Variants in CRAMP1 observed in about 807,000 individuals in gnomAD.
CRAMP1 encodes the protein cramped chromatin regulator 1.
A neutral mutation model predicts 115.4 loss-of-function variants in CRAMP1; 50 were observed. That is an observed-to-expected ratio of 0.43 (90% CI 0.35 to 0.55). The LOEUF is 0.55. Among genes scored for constraint, CRAMP1 ranks in the 20% least tolerant of loss-of-function variants. The probability of loss-of-function intolerance (pLI) is 0.01; values close to 1 mark genes in which losing one functional copy is unlikely to be tolerated. For missense variants in CRAMP1, 1,679 were observed against 1,721.7 expected, an observed-to-expected ratio of 0.98 and a Z score of 0.44; for synonymous variants, 866 against 745.4, an observed-to-expected ratio of 1.16 and a Z score of -2.64.
chr16:1,665,663 C>T (rs1402020536), intron 14 of CRAMP1: 2 of 225,804 alleles, frequency 8.9e-6, no homozygotes, highest in African/African-American at 4.6e-5. Flanking sequence ...ATTGCTTTTT[C>T]TCTTGCCTAC....
intron 5 of CRAMP1, among the ~76,000 whole-genome samples, chr16:1,640,389 C>T (rs2036622200): frequency 6.6e-6 from 1 of 152,150 alleles, no homozygotes; most frequent in Admixed American, 6.5e-5. Flanking sequence ...CTCATTCCTC[C>T]GTGCGAGGTG....
intron 18 of CRAMP1, among the ~76,000 whole-genome samples, chr16:1,668,519 C>T (rs2036895290): frequency 6.6e-6 from 1 of 152,218 alleles, no homozygotes; most frequent in Admixed American, 6.5e-5. Context: ...GGGTCTTGCA[C>T]AGCTTGTGAA....
intron 2 of CRAMP1, among the ~76,000 whole-genome samples, chr16:1,616,351 C>T (rs2036419573): frequency 6.6e-6 from 1 of 152,206 alleles, no homozygotes; most frequent in Admixed American, 6.5e-5. Flanking sequence ...TGTCCCTGGC[C>T]TCCAACCTTG....
At chr16:1,663,285 C>T (rs538803795) in intron 13 of CRAMP1, among the ~76,000 whole-genome samples, 1 of 152,216 alleles carries the variant, frequency 6.6e-6, no homozygotes, top group South Asian at 2.1e-4. Context: ...GCTTGGCATT[C>T]TGACGCATAA....
chr16:1,664,756 C>G (rs144724348), intron 13 of CRAMP1, among the ~76,000 whole-genome samples: 3,360 of 149,870 alleles, frequency 0.022, 149 homozygotes, highest in African/African-American at 0.078. Context: ...TCTAGCCTGG[C>G]TGACAGAGCA....
chr16:1,647,191 T>C, intron 6 of CRAMP1: 1 of 613,484 alleles, frequency 1.6e-6, no homozygotes, highest in Non-Finnish European at 2.9e-6. Context: ...GTGAATCTTC[T>C]TTGGTTTTAG....
intron 10 of CRAMP1, among the ~76,000 whole-genome samples, chr16:1,659,179 G>A (rs2036802280): frequency 6.6e-6 from 1 of 152,182 alleles, no homozygotes; most frequent in South Asian, 2.1e-4. Context: ...AGAGGCTGCT[G>A]CAGTCTCATG....
chr16:1,656,795 C>G lies in CRAMP1; in HGVS notation c.2038C>G (p.Leu680Val), dbSNP rs1019589676. The change falls in exon 10 of 21, where the codon CTG (leucine) becomes GTG (valine). Residue 680 changes from leucine to valine, a missense_variant. Leu to Val is a conservative substitution (Grantham distance 32). Coordinates refer to ENST00000397412, the MANE Select transcript of CRAMP1 (RefSeq NM_020825.4). This position sits in a 1 kb window ranked among gnomAD's most constrained non-coding sequence, Gnocchi z 5.6. ...AQQLREEGWN[L>V]QTSESLTLAE... ...GCAGCTCCGTGAGGAGGGCTGGAAC[C>G]TGCAGACCTCCGAAAGCCTCACGCT... is the stretch of plus-strand genomic sequence containing the variant. The G allele has an allele frequency of 9.0e-6, 14 of 1,548,232 alleles. No individual in the cohort carries two copies. Among genetic ancestry groups the G allele is most frequent in the Non-Finnish European group, 1.0e-5 (12 of 1,145,330 alleles).
At position 1,656,729 on chromosome 16, in the gene CRAMP1, G is replaced by C; in HGVS notation, c.1972G>C (p.Ala658Pro). The change falls in exon 10 of 21, where the codon GCC becomes CCC. Residue 658 changes from alanine to proline, a missense_variant. Physicochemically the swap from Ala to Pro is conservative, Grantham distance 27. Around this residue, in one of 8 missense-constraint regions of CRAMP1, gnomAD observed 405 missense variants for 302.6 expected, o/e 1.34. Coordinates refer to ENST00000397412, the MANE Select transcript of CRAMP1 (RefSeq NM_020825.4). This position sits in a 1 kb window ranked among gnomAD's most constrained non-coding sequence, Gnocchi z 5.6. ...TCCGCCGTCTCAGGGACAGCCTGCC[G>C]CCAGGCCCCCGAAGGAGGTCCCCGC... ...GPPPSQGQPAARPPKEVPASR... is the reference protein window; with the variant it reads ...GPPPSQGQPAPRPPKEVPASR... The C allele has an allele frequency of 1.3e-6, 2 of 1,551,680 alleles. No homozygotes were observed. The highest frequency in any genetic ancestry group is 2.7e-5 in the African/African-American group (2 of 73,244).
chr16:1,632,875 G>C (rs2036558034), intron 4 of CRAMP1, among the ~76,000 whole-genome samples: 1 of 152,220 alleles, frequency 6.6e-6, no homozygotes, highest in Non-Finnish European at 1.5e-5. Context: ...TTCTGGCTCA[G>C]AGCACCCTTT....
intron 6 of CRAMP1, among the ~76,000 whole-genome samples, chr16:1,646,075 G>A (rs1460088548): frequency 2.6e-5 from 4 of 152,160 alleles, no homozygotes; most frequent in African/African-American, 9.7e-5. Context: ...ATGCCCTCGA[G>A]GCTCTTCCGT....
rs368501359 is a variant in CRAMP1, at chr16:1,674,002, A to T, written c.3767A>T (p.Asp1256Val). 6.2e-7 allele frequency: 1 copy of T among 1,612,548 alleles called. No individual in the cohort carries two copies. The highest frequency in any genetic ancestry group is 2.2e-5 in the East Asian group (1 of 44,884). ...CCTGGCCGCCGAGAAGCTCTGTTTG[A>T]TGGTGGTGGAGGCGGCCCCGCTGTC... ...AEPGRREALFDGGGGGPAVSD... is the reference protein window; with the variant it reads ...AEPGRREALFVGGGGGPAVSD... Residue 1256 changes from aspartate to valine, a missense_variant, in exon 21 of 21, where the codon GAT (aspartate) becomes GTT (valine). By Grantham distance (152) the Asp-to-Val change is radical (BLOSUM62 -3). Coordinates refer to ENST00000397412, the MANE Select transcript of CRAMP1 (RefSeq NM_020825.4).
At position 1,666,305 on chromosome 16, in the gene CRAMP1, G is replaced by A. The variant is rs2036875519; in HGVS notation, c.2858-117G>A. 5 of 1,200,612 alleles carry A rather than the reference G, an allele frequency of 4.2e-6. No individual in the cohort carries two copies. Among genetic ancestry groups the A allele is most frequent in the Admixed American group, 2.1e-5 (1 of 48,156 alleles). The allele number at this position is 1,200,612 out of a possible 1,614,324, so 74.4% of individuals were successfully genotyped here. ...ATTACCCTTCACCAAGAACATCTAA[G>A]CCCTTGGCTCTTGCATTGACATGAG... On this transcript the variant is annotated intron_variant, in intron 15 of 20. Transcript: ENST00000397412. The surrounding 1 kb of genome is among the most constrained non-coding windows in gnomAD (Gnocchi z 5.0).
At chr16:1,638,534 A>G (rs554296196) in intron 5 of CRAMP1, among the ~76,000 whole-genome samples, 1 of 152,254 alleles carries the variant, frequency 6.6e-6, no homozygotes, top group East Asian at 1.9e-4. Flanking sequence ...GATTCCCTTG[A>G]GACATTTTTG....
chr16:1,653,752 C>T (rs1402358905), intron 8 of CRAMP1, among the ~76,000 whole-genome samples: 12 of 146,662 alleles, frequency 8.2e-5, no homozygotes, highest in African/African-American at 3.1e-4. Flanking sequence ...ACCCGGGAGG[C>T]GGAGCTTGCA....
At chr16:1,654,540 A>G (rs568170650) in intron 8 of CRAMP1, among the ~76,000 whole-genome samples, 1 of 152,308 alleles carries the variant, frequency 6.6e-6, no homozygotes, top group African/African-American at 2.4e-5. Context: ...TTTGCAGTTC[A>G]GGGGCATTTA....
intron 6 of CRAMP1, among the ~76,000 whole-genome samples, chr16:1,649,180 T>C (rs1387042288): frequency 6.6e-6 from 1 of 152,194 alleles, no homozygotes; most frequent in East Asian, 1.9e-4. Context: ...GCATGGAAGT[T>C]TTTTTTCTAC....
At position 1,628,245 on chromosome 16, in the gene CRAMP1, G is replaced by A. The variant is rs540698998; in HGVS notation, c.540+2079G>A. 3.9e-5 allele frequency among the ~76,000 whole-genome samples: 6 copies of A among 152,332 alleles called. 1 individual carries two copies. The highest frequency in any genetic ancestry group is 3.3e-4 in the Admixed American group (5 of 15,306). On this transcript the variant is annotated intron_variant, in intron 3 of 20. Coordinates refer to ENST00000397412, the MANE Select transcript of CRAMP1 (RefSeq NM_020825.4). The stretch of plus-strand genomic sequence containing the variant: ...TATATGAGAAAGAGCGAGGGCAAGA[G>A]AAAGGACTTTTTGTTTGTTTGTTTT...
At chr16:1,635,510 C>T (rs1004771651) in intron 4 of CRAMP1, among the ~76,000 whole-genome samples, 1 of 152,202 alleles carries the variant, frequency 6.6e-6, no homozygotes, top group Admixed American at 6.5e-5. Context: ...GGCCGTGGGG[C>T]CAGGCGGGGC....
Sources: allele counts gnomAD v4.1 joint callset (sites outside exome capture counted in the v4.1 genomes callset), GRCh38; gene constraint gnomAD v4.1.1; regional missense constraint gnomAD v4.1.1; non-coding constraint Gnocchi (gnomAD v3.1); transcripts MANE v1.5; gene names NCBI Gene and HGNC (gene_info 2026-07-23, HGNC 2026-07-21).